The following CDH18 variants were observed in gnomAD, a reference collection of about 807,000 sequenced individuals.
CDH18 encodes the protein cadherin 18, also known as cadherin-18.
CDH18 carries 31 observed loss-of-function variants against 67.9 expected under a neutral mutation model. The observed-to-expected ratio is 0.46, with a 90% CI of 0.34 to 0.62. The LOEUF (loss-of-function observed/expected upper bound fraction) is 0.62, where lower values mean the gene tolerates loss of function less well. Ranked by LOEUF, CDH18 falls within the 20% of genes least tolerant of loss-of-function variation. The probability of loss-of-function intolerance (pLI) is 0.01; values close to 1 mark genes in which losing one functional copy is unlikely to be tolerated. For synonymous variants in CDH18, 362 were observed against 347.2 expected (o/e 1.04, Z -0.48); for missense variants, 890 against 975.5 (o/e 0.91, Z 1.17).
intron 5 of CDH18, among the ~76,000 whole-genome samples, chr5:19,685,820 G>A (rs1761017973): frequency 6.6e-6 from 1 of 152,120 alleles, no homozygotes; most frequent in African/African-American, 2.4e-5. Context: ...AACGGACACT[G>A]ACAAATCGAC....
chr5:20,107,670 C>T (rs1386246514), intron 2 of CDH18, among the ~76,000 whole-genome samples: 1 of 152,148 alleles, frequency 6.6e-6, no homozygotes, highest in Admixed American at 6.5e-5. Flanking sequence ...AGGCCTTTCT[C>T]CTTAGCTTGC....
At chr5:19,688,081 C>G (rs960805620) in intron 5 of CDH18, among the ~76,000 whole-genome samples, 1 of 152,178 alleles carries the variant, frequency 6.6e-6, no homozygotes, top group Non-Finnish European at 1.5e-5. Context: ...CCACCATTAA[C>G]ACCACAGCAT....
intron 2 of CDH18, among the ~76,000 whole-genome samples, chr5:19,908,299 T>C (rs1372210220): frequency 2.0e-5 from 3 of 152,106 alleles, no homozygotes; most frequent in Non-Finnish European, 4.4e-5. Context: ...GACAATGACA[T>C]GCTTCTTATT....
At chr5:20,150,422 G>C (rs1275809845) in intron 2 of CDH18, among the ~76,000 whole-genome samples, 1 of 151,978 alleles carries the variant, frequency 6.6e-6, no homozygotes. Context: ...AAAAAGTAGA[G>C]ATGCCTATGA....
At chr5:20,167,368 C>T (rs1361445583) in intron 2 of CDH18, among the ~76,000 whole-genome samples, 1 of 151,780 alleles carries the variant, frequency 6.6e-6, no homozygotes, top group African/African-American at 2.4e-5. Context: ...GGATTTTGAT[C>T]GGGAGAGGGC....
intron 3 of CDH18, among the ~76,000 whole-genome samples, chr5:19,783,495 G>A (rs1198123153): frequency 6.6e-6 from 1 of 152,092 alleles, no homozygotes. Flanking sequence ...TTAAATAACT[G>A]CATCTCATAG....
At chr5:20,514,086 A>G (rs917422461) in intron 1 of CDH18, among the ~76,000 whole-genome samples, 3 of 152,142 alleles carry the variant, frequency 2.0e-5, no homozygotes, top group Non-Finnish European at 4.4e-5. Flanking sequence ...AAAACAGTAT[A>G]TAAAATTTTC....
At chr5:19,698,473 G>C (rs1305447764) in intron 5 of CDH18, among the ~76,000 whole-genome samples, 1 of 151,826 alleles carries the variant, frequency 6.6e-6, no homozygotes, top group Non-Finnish European at 1.5e-5. Context: ...AGCTAATTTG[G>C]CTCAATAAAA....
At chr5:20,055,616 C>T (rs1235343961) in intron 2 of CDH18, among the ~76,000 whole-genome samples, 1 of 152,186 alleles carries the variant, frequency 6.6e-6, no homozygotes, top group Non-Finnish European at 1.5e-5. Context: ...AACAAACTAA[C>T]CCAACAACTG....
intron 2 of CDH18, among the ~76,000 whole-genome samples, chr5:19,946,162 T>A (rs995882169): frequency 6.6e-6 from 1 of 152,050 alleles, no homozygotes; most frequent in Non-Finnish European, 1.5e-5. Context: ...ACAGCAGATA[T>A]CTAATCTAAA....
chr5:19,939,877 G>C (rs1245163675), intron 2 of CDH18, among the ~76,000 whole-genome samples: 1 of 151,806 alleles, frequency 6.6e-6, no homozygotes, highest in African/African-American at 2.4e-5. Context: ...TAATTTAAAT[G>C]CTTTATATAT....
intron 2 of CDH18, among the ~76,000 whole-genome samples, chr5:20,010,745 A>G (rs927208246): frequency 1.3e-5 from 2 of 151,932 alleles, no homozygotes; most frequent in East Asian, 3.9e-4. Flanking sequence ...TGCTTTTTCT[A>G]TGTTTACATG....
At position 19,924,026 on chromosome 5, in the gene CDH18, T is replaced by C. The variant is rs115749949; in HGVS notation, c.-257+57034A>G. Among the ~76,000 whole-genome samples the C allele has an allele frequency of 2.1e-3, 324 of 152,318 alleles. 1 individual carries two copies. The highest frequency in any genetic ancestry group is 7.2e-3 in the African/African-American group (300 of 41,584). Reference sequence around the variant, plus strand: ...GTGAAACTATGAGACCGGTACTTTCTTGGAAGCATTGTCATAGCTGGCTTA... The same window carrying C: ...GTGAAACTATGAGACCGGTACTTTCCTGGAAGCATTGTCATAGCTGGCTTA... On this transcript the variant is annotated intron_variant, in intron 2 of 12. Coordinates refer to ENST00000382275, the MANE Select transcript of CDH18 (RefSeq NM_004934.5).
intron 1 of CDH18, among the ~76,000 whole-genome samples, chr5:20,397,920 TG>T (rs1745416067): frequency 6.6e-6 from 1 of 152,224 alleles, no homozygotes; most frequent in Non-Finnish European, 1.5e-5. Flanking sequence ...ATTACAGTTG[TG>T]TTTAACAGAA....
rs146110082 is a variant in CDH18 at position 20,359,134 on chromosome 5, T to C, written c.-579-103629A>G. ...TTAGTAGAGAAGTGCTTTCTCTATG[T>C]TGGTCAGGCTGGTCTCAAACTCGGG... On this transcript the variant is annotated intron_variant, in intron 1 of 14. Transcript: ENST00000507958. Among the ~76,000 whole-genome samples the C allele has an allele frequency of 2.0e-3, 310 of 152,132 alleles. 2 individuals carry two copies. Among genetic ancestry groups the C allele is most frequent in the African/African-American group, 7.1e-3 (293 of 41,518 alleles).
At chr5:20,001,816 T>G (rs569903304) in intron 2 of CDH18, among the ~76,000 whole-genome samples, 1 of 152,160 alleles carries the variant, frequency 6.6e-6, no homozygotes, top group African/African-American at 2.4e-5. Flanking sequence ...AGGTTTTAAA[T>G]TCATTGTTCT....
intron 3 of CDH18, among the ~76,000 whole-genome samples, chr5:19,785,630 G>A (rs1398907556): frequency 3.3e-5 from 3 of 89,696 alleles, no homozygotes; most frequent in East Asian, 3.6e-4. Context: ...TTCCAGCCTC[G>A]GCAACAAGAG....
chr5:20,287,628 C>G (rs1406199419), intron 1 of CDH18, among the ~76,000 whole-genome samples: 2 of 151,734 alleles, frequency 1.3e-5, no homozygotes, highest in African/African-American at 4.8e-5. Flanking sequence ...TAATGATATG[C>G]TAGCAACACA....
At chr5:19,663,425 TGA>T (rs1406016027) in intron 5 of CDH18, among the ~76,000 whole-genome samples, 1 of 151,990 alleles carries the variant, frequency 6.6e-6, no homozygotes, top group Non-Finnish European at 1.5e-5. Context: ...GGAAATTCAT[TGA>T]GAGTGATTTG....
Sources: gnomAD v4.1 joint callset for allele counts (sites outside exome capture counted in the v4.1 genomes callset) on GRCh38, gnomAD v4.1.1 for gene constraint, MANE v1.5 for transcripts, NCBI Gene and HGNC (gene_info 2026-07-23, HGNC 2026-07-21) for gene names.